Variants in STXBP5L observed in about 807,000 individuals in gnomAD.
The protein encoded by STXBP5L is syntaxin-binding protein 5-like.
In STXBP5L, 65 loss-of-function variants were observed where a neutral mutation model predicts 144.5. That is an observed-to-expected ratio of 0.45 (90% CI 0.37 to 0.55). STXBP5L has a LOEUF of 0.55. Ranked by LOEUF, STXBP5L falls within the 20% of genes least tolerant of loss-of-function variation. STXBP5L has a pLI of 0.00. For synonymous variants in STXBP5L, 505 were observed against 469.6 expected (o/e 1.08, Z -0.97); for missense variants, 1,298 against 1,405.5 (o/e 0.92, Z 1.22).
intron 20 of STXBP5L, among the ~76,000 whole-genome samples, chr3:121,333,556 C>CA (rs35689465): frequency 0.12 from 16,539 of 135,902 alleles, 1,477 homozygotes; most frequent in African/African-American, 0.23. Flanking sequence ...GACACACACA[C>CA]AAAAAAAAAA....
chr3:120,995,070 A>C (rs1943232983), intron 3 of STXBP5L, among the ~76,000 whole-genome samples: 1 of 152,146 alleles, frequency 6.6e-6, no homozygotes, highest in African/African-American at 2.4e-5. Context: ...ATATTAAGAC[A>C]TTTACCATTA....
At chr3:120,991,825 G>C (rs993151711) in intron 3 of STXBP5L, among the ~76,000 whole-genome samples, 2 of 149,254 alleles carry the variant, frequency 1.3e-5, no homozygotes, top group Non-Finnish European at 2.9e-5. Flanking sequence ...GTGGGGGCAG[G>C]GGGGAGGGAT....
intron 5 of STXBP5L, among the ~76,000 whole-genome samples, chr3:121,068,750 A>G (rs2041667730): frequency 6.6e-6 from 1 of 152,088 alleles, no homozygotes; most frequent in South Asian, 2.1e-4. Context: ...TTATCAGCAT[A>G]TGTATTTATT....
At chr3:121,304,616 G>A (rs1311447116) in intron 19 of STXBP5L, among the ~76,000 whole-genome samples, 1 of 151,934 alleles carries the variant, frequency 6.6e-6, no homozygotes, top group Non-Finnish European at 1.5e-5. Context: ...ATAACTCATA[G>A]CTTAAAAAAG....
intron 3 of STXBP5L, among the ~76,000 whole-genome samples, chr3:120,997,904 C>G (rs1287506944): frequency 6.6e-6 from 1 of 152,110 alleles, no homozygotes; most frequent in Non-Finnish European, 1.5e-5. Flanking sequence ...ACACTTTATA[C>G]CTAGAATGCA....
chr3:121,367,595 G>GTTTTTTTTTT (rs57288480), intron 20 of STXBP5L, among the ~76,000 whole-genome samples: 2 of 51,360 alleles, frequency 3.9e-5, no homozygotes, highest in African/African-American at 1.6e-4. Context: ...TTCGACTCTT[G>GTTTTTTTTTT]TTTTTTTTTT....
Position 121,010,826 on chromosome 3 carries a change from G to A in STXBP5L, c.288-30874G>A, listed in dbSNP as rs187457495. On this transcript the variant is annotated intron_variant, in intron 3 of 26. Coordinates refer to ENST00000471454, the MANE Select transcript of STXBP5L (RefSeq NM_001308330.2). Reference sequence around the variant, plus strand: ...TTAGTGGAAGTAGATTGTCATAAGGGTCTTCATCCTTGTTATCTTTACTTT... The same window carrying A: ...TTAGTGGAAGTAGATTGTCATAAGGATCTTCATCCTTGTTATCTTTACTTT... Among the ~76,000 whole-genome samples, 5 of 151,808 alleles carry A rather than the reference G, an allele frequency of 3.3e-5. No homozygotes were observed. The East Asian group carries it at 9.7e-4, about 29-fold the overall frequency.
chr3:121,412,656 A>G (rs1203717606), intron 23 of STXBP5L, among the ~76,000 whole-genome samples: 10 of 143,268 alleles, frequency 7.0e-5, no homozygotes, highest in Admixed American at 6.5e-4. Flanking sequence ...TTCTGATAAT[A>G]GTTTACAAAC....
chr3:121,375,509 T>A (rs937149283), intron 20 of STXBP5L, among the ~76,000 whole-genome samples: 5 of 152,190 alleles, frequency 3.3e-5, no homozygotes, highest in Admixed American at 2.0e-4. Context: ...AAAATTTTCT[T>A]ACTGATTTTT....
chr3:121,416,007 A>G, intron 25 of STXBP5L, 39 bp downstream of exon 25: 2 of 1,519,844 alleles, frequency 1.3e-6, no homozygotes, highest in South Asian at 2.3e-5. Flanking sequence ...ATTGCAAAAT[A>G]GAAGACGTTT....
In STXBP5L at chr3:121,423,694, G is replaced by A. The variant is rs538918339; in HGVS notation, c.*4597G>A. 6 of 152,184 alleles carry A rather than the reference G, an allele frequency of 3.9e-5. No homozygotes were observed. Among genetic ancestry groups the A allele is most frequent in the Admixed American group, 6.5e-5 (1 of 15,276 alleles). 9.4% of individuals were successfully genotyped at this position (152,184 alleles called of 1,614,324 possible). ...CAATATTTGCGAAAGCCTCCAAGGC[G>A]GTTCTAATGTCCAGCCAAAGTTGAT... is the stretch of plus-strand genomic sequence containing the variant. On this transcript the variant is annotated 3_prime_UTR_variant, in exon 27 of 27. Transcript: ENST00000471454.
intron 3 of STXBP5L, among the ~76,000 whole-genome samples, chr3:120,963,874 A>G (rs904307774): frequency 3.3e-5 from 5 of 152,210 alleles, no homozygotes; most frequent in African/African-American, 7.2e-5. Flanking sequence ...TACCTCTGGT[A>G]GTATTCTGCT....
chr3:121,023,411 A>T (rs1447714907), intron 3 of STXBP5L, among the ~76,000 whole-genome samples: 1 of 152,192 alleles, frequency 6.6e-6, no homozygotes, highest in Non-Finnish European at 1.5e-5. Flanking sequence ...ATTCATATGG[A>T]ACCAAAAAAG....
intron 2 of STXBP5L, among the ~76,000 whole-genome samples, chr3:120,936,764 C>G (rs1710285977): frequency 6.6e-6 from 1 of 152,094 alleles, no homozygotes; most frequent in Admixed American, 6.6e-5. Context: ...TGCCCACCAC[C>G]ACACCCGGCT....
intron 14 of STXBP5L, among the ~76,000 whole-genome samples, chr3:121,245,903 A>C (rs1374440820): frequency 6.6e-6 from 1 of 152,214 alleles, no homozygotes; most frequent in Non-Finnish European, 1.5e-5. Context: ...TCAAGAAGGA[A>C]ACAGGGTATT....
rs534622907 is a variant in STXBP5L at position 120,967,879 on chromosome 3, T to C, written c.287+12842T>C. Among the ~76,000 whole-genome samples the C allele has an allele frequency of 3.9e-5, 6 of 152,306 alleles. No individual in the cohort carries two copies. The South Asian group carries it at 1.0e-3, about 26-fold the overall frequency. The stretch of plus-strand genomic sequence containing the variant: ...TTAAACCATTCATTGTTTAGGAATA[T>C]GTTGCTTAATAATTATGATTTTGTA... On this transcript the variant is annotated intron_variant, in intron 3 of 26. Transcript: ENST00000471454.
intron 3 of STXBP5L, among the ~76,000 whole-genome samples, chr3:121,007,954 G>A (rs1399676002): frequency 6.6e-6 from 1 of 151,924 alleles, no homozygotes; most frequent in African/African-American, 2.4e-5. Flanking sequence ...GGGAGAGTTA[G>A]TGGAAAAAAC....
rs562975154 is a variant in STXBP5L at position 121,099,273 on chromosome 3, G to A, written c.471-15652G>A. On this transcript the variant is annotated intron_variant, in intron 5 of 26. Coordinates refer to ENST00000471454, the MANE Select transcript of STXBP5L (RefSeq NM_001308330.2). Reference sequence around the variant, plus strand: ...ATGACTATGGAGTTCACCCAGAGGAGTGAACTTTACTGGACATGATTCAGA... The same window carrying A: ...ATGACTATGGAGTTCACCCAGAGGAATGAACTTTACTGGACATGATTCAGA... 2.0e-5 allele frequency: 3 copies of A among 152,324 alleles called. No individual in the cohort carries two copies. In the South Asian group the frequency reaches 6.2e-4, roughly 32 times the overall value. The allele number at this position is 152,324 out of a possible 1,614,324, so 9.4% of individuals were successfully genotyped here.
intron 5 of STXBP5L, chr3:121,099,293 T>C (rs2043296531): frequency 6.6e-6 from 1 of 152,232 alleles, no homozygotes; most frequent in Non-Finnish European, 1.5e-5. Context: ...CTGGACATGA[T>C]TCAGAGATAC....
Sources: allele counts gnomAD v4.1 joint callset (sites outside exome capture counted in the v4.1 genomes callset), GRCh38; gene constraint gnomAD v4.1.1; transcripts MANE v1.5; gene names NCBI Gene and HGNC (gene_info 2026-07-23, HGNC 2026-07-21).